Variants in KSR1 observed in about 807,000 individuals in gnomAD.
KSR1 encodes kinase suppressor of ras.
A neutral mutation model predicts 92.9 loss-of-function variants in KSR1; 35 were observed. The ratio of observed to expected loss-of-function variants is 0.38; its 90% CI spans 0.29 to 0.50. The LOEUF is 0.50. Ranked by LOEUF, KSR1 falls within the 20% of genes least tolerant of loss-of-function variation. KSR1 has a pLI of 0.94. For missense variants in KSR1, 972 were observed against 1,158.5 expected (o/e 0.84, Z 2.34); for synonymous variants, 467 against 472.6 (o/e 0.99, Z 0.15).
intron 1 of KSR1, among the ~76,000 whole-genome samples, chr17:27,517,948 C>T (rs1311707894): frequency 2.6e-5 from 4 of 152,172 alleles, no homozygotes; most frequent in Non-Finnish European, 4.4e-5. Context: ...AGCAGTAACA[C>T]GATTCAAGCT....
chr17:27,523,019 C>G (rs1404108578), intron 1 of KSR1, among the ~76,000 whole-genome samples: 1 of 152,186 alleles, frequency 6.6e-6, no homozygotes, highest in Admixed American at 6.5e-5. Flanking sequence ...CTCTCTCACA[C>G]AGGGCCCTGG....
chr17:27,600,222 A>G (rs2073506014), intron 10 of KSR1, among the ~76,000 whole-genome samples: 2 of 150,650 alleles, frequency 1.3e-5, no homozygotes, highest in South Asian at 4.2e-4. Context: ...ATCACCTGAG[A>G]TCAGGAGTTC....
intron 1 of KSR1, among the ~76,000 whole-genome samples, chr17:27,534,980 T>C (rs2070702569): frequency 6.6e-6 from 1 of 152,232 alleles, no homozygotes; most frequent in Non-Finnish European, 1.5e-5. Flanking sequence ...ATCAGTGACC[T>C]TCTCAGATCG....
chr17:27,529,145 A>G (rs1424525937), intron 1 of KSR1, among the ~76,000 whole-genome samples: 1 of 152,234 alleles, frequency 6.6e-6, no homozygotes, highest in African/African-American at 2.4e-5. Flanking sequence ...TTGAAAAAAG[A>G]AAATTAATGC....
At chr17:27,506,041 A>G (rs1450147515) in intron 1 of KSR1, among the ~76,000 whole-genome samples, 1 of 152,212 alleles carries the variant, frequency 6.6e-6, no homozygotes, top group Non-Finnish European at 1.5e-5. Context: ...ACACACCATA[A>G]GAATGTAAAA....
intron 1 of KSR1, among the ~76,000 whole-genome samples, chr17:27,463,061 G>A (rs1340531826): frequency 6.6e-6 from 1 of 152,210 alleles, no homozygotes; most frequent in African/African-American, 2.4e-5. Context: ...AGTGAGATTT[G>A]CTGGGTCAAA....
intron 12 of KSR1, 143 bp downstream of exon 12, chr17:27,604,031 A>G: frequency 1.2e-6 from 1 of 814,538 alleles, no homozygotes; most frequent in Non-Finnish European, 2.0e-6. Flanking sequence ...CCCTCTGGGC[A>G]AGTGAACTCC....
intron 7 of KSR1, 74 bp downstream of exon 7, chr17:27,590,968 T>C: frequency 7.9e-7 from 1 of 1,270,664 alleles, no homozygotes; most frequent in Non-Finnish European, 1.1e-6. Flanking sequence ...TTCCCTATGC[T>C]TGCTATTCAT....
chr17:27,529,299 G>A (rs62057793), intron 1 of KSR1, among the ~76,000 whole-genome samples: 12,199 of 152,112 alleles, frequency 0.08, 663 homozygotes, highest in Non-Finnish European at 0.11. Context: ...AAAAAAAGTT[G>A]CCTCATAGTG....
rs919942332 is a variant in KSR1, at chr17:27,607,837, C to T, written c.1995-77C>T. On this transcript the variant is annotated intron_variant, in intron 14 of 20. Transcript: ENST00000644974. The stretch of plus-strand genomic sequence containing the variant: ...CTTGCAGGCAGACGGGCACAGTTCT[C>T]CCCATGGGCTCCACCAGGGTTGGGG... The T allele has an allele frequency of 9.4e-5, 99 of 1,053,696 alleles. 1 individual carries two copies. The highest frequency in any genetic ancestry group is 3.2e-4 in the South Asian group (23 of 72,074). The allele number at this position is 1,053,696 out of a possible 1,614,324, so 65.3% of individuals were successfully genotyped here.
chr17:27,611,079 TA>T (rs1471351867), intron 17 of KSR1, among the ~76,000 whole-genome samples: 1 of 152,204 alleles, frequency 6.6e-6, no homozygotes, highest in Non-Finnish European at 1.5e-5. Flanking sequence ...CCCTGACCTT[TA>T]ACTGTATCCT....
chr17:27,547,527 C>T (rs545450192), intron 1 of KSR1, among the ~76,000 whole-genome samples: 4 of 152,312 alleles, frequency 2.6e-5, no homozygotes, highest in African/African-American at 9.6e-5. Flanking sequence ...CTTGTCACAA[C>T]TTTAAAGTTA....
chr17:27,546,280 T>C (rs1006694197), intron 1 of KSR1, among the ~76,000 whole-genome samples: 6 of 152,220 alleles, frequency 3.9e-5, no homozygotes, highest in African/African-American at 1.2e-4. Flanking sequence ...TGTGTAATTA[T>C]AGGGAGATCT....
At chr17:27,489,584 C>T (rs542575434) in intron 1 of KSR1, among the ~76,000 whole-genome samples, 3 of 152,294 alleles carry the variant, frequency 2.0e-5, no homozygotes, top group South Asian at 4.1e-4. Flanking sequence ...TCCGTGTGTA[C>T]AAAAGTTCTG....
chr17:27,603,723 T>A, intron 11 of KSR1, 111 bp from the exon 12 acceptor site: 1 of 1,056,116 alleles, frequency 9.5e-7, no homozygotes, highest in Non-Finnish European at 1.4e-6. Context: ...CATGTGGCAG[T>A]CCACTCAGGG....
At chr17:27,569,715 C>T (rs1358447470) in intron 2 of KSR1, among the ~76,000 whole-genome samples, 1 of 152,228 alleles carries the variant, frequency 6.6e-6, no homozygotes, top group Non-Finnish European at 1.5e-5. Context: ...CATTTGTGTA[C>T]GTGTTGTCTG....
chr17:27,545,338 T>A (rs1402953688), intron 1 of KSR1, among the ~76,000 whole-genome samples: 1 of 152,240 alleles, frequency 6.6e-6, no homozygotes, highest in Non-Finnish European at 1.5e-5. Context: ...TTTGTGTGCC[T>A]GTCTGGCACA....
At position 27,590,797 on chromosome 17, in the gene KSR1, T is replaced by C; in HGVS notation, c.1047-14T>C. The C allele has an allele frequency of 6.2e-7, 1 of 1,605,360 alleles. No individual in the cohort carries two copies. The highest frequency in any genetic ancestry group is 8.5e-7 in the Non-Finnish European group (1 of 1,176,160). On this transcript the variant is annotated splice_polypyrimidine_tract_variant and intron_variant, in intron 6 of 20. Coordinates refer to ENST00000644974, the MANE Select transcript of KSR1 (RefSeq NM_001394583.1). ...CAGCTGGTGCAAACATGTGCCTGTG[T>C]CCGCCCTCTGCAGGTTCTCCACCAA...
At position 27,504,500 on chromosome 17, in the gene KSR1, T is replaced by A. The variant is rs73983454; in HGVS notation, c.232-46068T>A. On this transcript the variant is annotated intron_variant, in intron 1 of 20. Transcript: ENST00000644974. ...GAGGGTTCCGGGGAAAGAGATGACC[T>A]GAGGAGGCCGGCAGAGACCCTGGAG... 4.7e-3 allele frequency among the ~76,000 whole-genome samples: 713 copies of A among 152,144 alleles called. 7 individuals are homozygous for A. Among genetic ancestry groups the A allele is most frequent in the African/African-American group, 0.016 (669 of 41,502 alleles).
Sources: allele counts gnomAD v4.1 joint callset (sites outside exome capture counted in the v4.1 genomes callset), GRCh38; gene constraint gnomAD v4.1.1; transcripts MANE v1.5; gene names NCBI Gene and HGNC (gene_info 2026-07-23, HGNC 2026-07-21).